PRSS8: variants seen among roughly 807,000 people sequenced by gnomAD.
PRSS8 encodes the protein prostasin.
PRSS8 carries 11 observed loss-of-function variants against 26.7 expected under a neutral mutation model. The observed-to-expected ratio is 0.41, with a 90% CI of 0.26 to 0.68. The LOEUF (loss-of-function observed/expected upper bound fraction) is 0.68, where lower values mean the gene tolerates loss of function less well. Among genes scored for constraint, PRSS8 ranks in the 30% least tolerant of loss-of-function variants. The pLI is 0.30. For missense variants in PRSS8, 362 were observed against 443.5 expected (o/e 0.82, Z 1.65); for synonymous variants, 183 against 187.0 (o/e 0.98, Z 0.17).
At position 31,132,641 on chromosome 16, in the gene PRSS8, G is replaced by A. The variant is rs552653291; in HGVS notation, c.538+41C>T. 3 of 1,613,118 alleles carry A rather than the reference G, an allele frequency of 1.9e-6. No individual in the cohort carries two copies. The African/African-American group carries it at 4.0e-5, about 22-fold the overall frequency. Reference sequence around the variant, plus strand: ...TACCCTGGGCCCCTCCCCAAGTCAGGTGCCCCTCCACACCTCTAGGCACCC... The same window carrying A: ...TACCCTGGGCCCCTCCCCAAGTCAGATGCCCCTCCACACCTCTAGGCACCC... On this transcript the variant is annotated intron_variant, in intron 4 of 5. Coordinates refer to ENST00000317508, the MANE Select transcript of PRSS8 (RefSeq NM_002773.5). The surrounding 1 kb of genome is among the most constrained non-coding windows in gnomAD (Gnocchi z 5.2).
intron 1 of PRSS8, 92 bp downstream of exon 1, chr16:31,135,322 C>A: frequency 6.3e-7 from 1 of 1,580,654 alleles, no homozygotes. Context: ...CGGGGGTTTT[C>A]TTGGGCCCCA....
Position 31,135,159 on chromosome 16 carries a change from G to A in PRSS8, c.98C>T (p.Ala33Val). The A allele has an allele frequency of 6.2e-7, 1 of 1,612,754 alleles. No homozygotes were observed. The highest frequency in any genetic ancestry group is 8.5e-7 in the Non-Finnish European group (1 of 1,179,416). The change falls in exon 2 of 6, where the codon GCA (alanine) becomes GTA (valine). Residue 33 changes from alanine to valine, a missense_variant. Coordinates refer to ENST00000317508, the MANE Select transcript of PRSS8 (RefSeq NM_002773.5). ...LLRSGTGAEG[A>V]EAPCGVAPQA... ...CTCTCCGAGGAAAGTCTCACCTTCTGCCCCTTCCGCTCCTAGAAAGAAAGA... is the reference window on the plus strand; with the variant it reads ...CTCTCCGAGGAAAGTCTCACCTTCTACCCCTTCCGCTCCTAGAAAGAAAGA...
chr16:31,132,377 G>A lies in PRSS8; in HGVS notation c.706-42C>T. 1 of 1,613,932 alleles carries A rather than the reference G, an allele frequency of 6.2e-7. No individual in the cohort carries two copies. Among genetic ancestry groups the A allele is most frequent in the Non-Finnish European group, 8.5e-7 (1 of 1,179,854 alleles). On this transcript the variant is annotated intron_variant, in intron 5 of 5. Transcript: ENST00000317508. This position sits in a 1 kb window ranked among gnomAD's most constrained non-coding sequence, Gnocchi z 5.2. Reference sequence around the variant, plus strand: ...CACAGCAGCCATCAGGACCGGGCCAGGCCTCCTTTCCGAAGTTGCACTGGT... The same window carrying A: ...CACAGCAGCCATCAGGACCGGGCCAAGCCTCCTTTCCGAAGTTGCACTGGT...
Position 31,131,476 on chromosome 16 carries a change from C to G in PRSS8, c.*533G>C, listed in dbSNP as rs998154747. On this transcript the variant is annotated 3_prime_UTR_variant, in exon 6 of 6. Transcript: ENST00000317508. ...ATCATTTCTGCCCTGTTACTCCCAC[C>G]CCAGATCCAAGCGCCAGCCCAGTTC... The G allele has an allele frequency of 1.6e-6, 1 of 616,732 alleles. No individual in the cohort carries two copies. Among genetic ancestry groups the G allele is most frequent in the African/African-American group, 1.9e-5 (1 of 53,928 alleles). 38.2% of individuals were successfully genotyped at this position (616,732 alleles called of 1,614,324 possible).
Position 31,132,149 on chromosome 16 carries a change from C to T in PRSS8, c.892G>A (p.Glu298Lys), listed in dbSNP as rs1212763533. Residue 298 changes from glutamate to lysine, a missense_variant, in exon 6 of 6, where the codon GAG (glutamate) becomes AAG (lysine). Coordinates refer to ENST00000317508, the MANE Select transcript of PRSS8 (RefSeq NM_002773.5). This position sits in a 1 kb window ranked among gnomAD's most constrained non-coding sequence, Gnocchi z 5.2. ...LQPRVVPQTQ[E>K]SQPDSNLCGS... Reference sequence around the variant, plus strand: ...CAGAGGTTGCTGTCGGGCTGGGACTCCTGGGTTTGGGGCACCACACGAGGC... The same window carrying T: ...CAGAGGTTGCTGTCGGGCTGGGACTTCTGGGTTTGGGGCACCACACGAGGC... The T allele has an allele frequency of 3.1e-6, 5 of 1,613,724 alleles. No homozygotes were observed. The highest frequency in any genetic ancestry group is 1.7e-5 in the Admixed American group (1 of 59,976).
In PRSS8 at chr16:31,131,720, C is replaced by T. The variant is rs901776361; in HGVS notation, c.*289G>A. 2.9e-5 allele frequency: 13 copies of T among 442,006 alleles called. No homozygotes were observed. The highest frequency in any genetic ancestry group is 3.9e-5 in the Admixed American group (1 of 25,798). The allele number at this position is 442,006 out of a possible 1,614,324, so 27.4% of individuals were successfully genotyped here. On this transcript the variant is annotated 3_prime_UTR_variant, in exon 6 of 6. Coordinates refer to ENST00000317508, the MANE Select transcript of PRSS8 (RefSeq NM_002773.5). Reference sequence around the variant, plus strand: ...GGGAGCCAGGGCTCATTTTCATAGCCAAGGGTCCCAGGAGCTCCCCAGGAG... The same window carrying T: ...GGGAGCCAGGGCTCATTTTCATAGCTAAGGGTCCCAGGAGCTCCCCAGGAG...
Position 31,135,715 on chromosome 16 carries a change from A to G in PRSS8, c.-217T>C. ...CCGAAGCGAGCAGTGTGGACGAGTC[A>G]CCAGCACCGTCTGGCCACGCAGGGT... On this transcript the variant is annotated 5_prime_UTR_variant, in exon 1 of 6. Coordinates refer to ENST00000317508, the MANE Select transcript of PRSS8 (RefSeq NM_002773.5). 1 of 511,718 alleles carries G rather than the reference A, an allele frequency of 2.0e-6. No homozygotes were observed. Among genetic ancestry groups the G allele is most frequent in the East Asian group, 3.2e-5 (1 of 31,724 alleles). 31.7% of individuals were successfully genotyped at this position (511,718 alleles called of 1,614,324 possible). A position where few individuals can be genotyped will look rare whatever the true frequency, so the allele number is the denominator to read the frequency against.
Position 31,132,541 on chromosome 16 carries a change from C to T in PRSS8, c.593G>A (p.Arg198His), listed in dbSNP as rs987197532. 13 of 1,613,942 alleles carry T rather than the reference C, an allele frequency of 8.1e-6. No homozygotes were observed. The highest frequency in any genetic ancestry group is 1.1e-5 in the Non-Finnish European group (13 of 1,179,902). The change falls in exon 5 of 6, where the codon CGT (arginine) becomes CAT (histidine). Residue 198 changes from arginine to histidine, a missense_variant. By Grantham distance (29) the Arg-to-His change is conservative (BLOSUM62 0). Coordinates refer to ENST00000317508, the MANE Select transcript of PRSS8 (RefSeq NM_002773.5). This position sits in a 1 kb window ranked among gnomAD's most constrained non-coding sequence, Gnocchi z 5.2. Reference protein sequence around the residue: ...LQQLEVPLISRETCNCLYNID... With the variant: ...LQQLEVPLISHETCNCLYNID... The stretch of plus-strand genomic sequence containing the variant: ...GTTGTACAGGCAGTTACACGTCTCA[C>T]GACTGATCAGAGGCACCTCGAGTTG...
Position 31,135,540 on chromosome 16 carries a change from AGGT to A in PRSS8, c.-45_-43del. ...CCCTGGGGCAGACTCCAGGCACGCA[AGGT>A]AGGAAGCCTTGGGGTGGTGTCGAAG... is the stretch of plus-strand genomic sequence containing the variant. On this transcript the variant is annotated 5_prime_UTR_variant, in exon 1 of 6. Coordinates refer to ENST00000317508, the MANE Select transcript of PRSS8 (RefSeq NM_002773.5). The A allele has an allele frequency of 6.8e-7, 1 of 1,474,286 alleles. No homozygotes were observed. Among genetic ancestry groups the A allele is most frequent in the South Asian group, 1.3e-5 (1 of 76,028 alleles). 91.3% of individuals were successfully genotyped at this position (1,474,286 alleles called of 1,614,324 possible).
In PRSS8 at chr16:31,135,154, C is replaced by A. The variant is rs1476971683; in HGVS notation, c.103G>T (p.Ala35Ser). ...RSGTGAEGAE[A>S]PCGVAPQARI... ...CCTCCCTCTCCGAGGAAAGTCTCACCTTCTGCCCCTTCCGCTCCTAGAAAG... is the reference window on the plus strand; with the variant it reads ...CCTCCCTCTCCGAGGAAAGTCTCACATTCTGCCCCTTCCGCTCCTAGAAAG... Residue 35 changes from alanine (A) to serine (S), a missense_variant and splice_region_variant, in exon 2 of 6, where the codon GCT becomes TCT. Transcript: ENST00000317508. The A allele has an allele frequency of 6.2e-7, 1 of 1,612,738 alleles. No homozygotes were observed. The highest frequency in any genetic ancestry group is 8.5e-7 in the Non-Finnish European group (1 of 1,179,484).
chr16:31,135,019 C>T (rs971957784), intron 2 of PRSS8, 135 bp downstream of exon 2: 8 of 1,115,806 alleles, frequency 7.2e-6, no homozygotes, highest in South Asian at 6.2e-5. Context: ...AGGGCTAAAA[C>T]CCCCCACTCT....
At position 31,132,506 on chromosome 16, in the gene PRSS8, T is replaced by C; in HGVS notation, c.628A>G (p.Lys210Glu). ...TCNCLYNIDA[K>E]PEEPHFVQED... ...TGGACAAAGTGCGGCTCCTCAGGCT[T>C]GGCGTCGATGTTGTACAGGCAGTTA... Residue 210 changes from lysine (K) to glutamate (E), a missense_variant, in exon 5 of 6, where the codon AAG (lysine) becomes GAG (glutamate). By Grantham distance (56) the Lys-to-Glu change is moderately conservative. Coordinates refer to ENST00000317508, the MANE Select transcript of PRSS8 (RefSeq NM_002773.5). The surrounding 1 kb of genome is among the most constrained non-coding windows in gnomAD (Gnocchi z 5.2). 6.2e-7 allele frequency: 1 copy of C among 1,614,032 alleles called. No homozygotes were observed. The highest frequency in any genetic ancestry group is 8.5e-7 in the Non-Finnish European group (1 of 1,179,880).
Position 31,133,438 on chromosome 16 carries a change from A to G in PRSS8, c.104-50T>C, listed in dbSNP as rs752153098. On this transcript the variant is annotated intron_variant, in intron 2 of 5. Transcript: ENST00000317508. The surrounding 1 kb of genome is among the most constrained non-coding windows in gnomAD (Gnocchi z 4.7). ...TCAGGTTGTTAGCCTGGCCACTCCT[A>G]TGCAGCCCAGGAGCTCTGATATAGA... 16 of 1,603,426 alleles carry G rather than the reference A, an allele frequency of 1.0e-5. No individual in the cohort carries two copies. Among genetic ancestry groups the G allele is most frequent in the Admixed American group, 3.4e-5 (2 of 59,104 alleles).
At chr16:31,134,924 G>C (rs751744802) in intron 2 of PRSS8, 31 of 578,818 alleles carry the variant, frequency 5.4e-5, no homozygotes, top group Non-Finnish European at 9.2e-5. Context: ...CCCCACTTTG[G>C]GAGTCAGACG....
At chr16:31,134,372 C>G (rs879802808) in intron 2 of PRSS8, 1 of 152,462 alleles carries the variant, frequency 6.6e-6, no homozygotes, top group South Asian at 2.1e-4. Flanking sequence ...CCCCAGGAGA[C>G]GGACATGACC....
In PRSS8 at chr16:31,131,961, G is replaced by C. The variant is rs1377789312; in HGVS notation, c.*48C>G. 6.8e-7 allele frequency: 1 copy of C among 1,481,358 alleles called. No individual in the cohort carries two copies. Among genetic ancestry groups the C allele is most frequent in the South Asian group, 1.4e-5 (1 of 73,100 alleles). 91.8% of individuals were successfully genotyped at this position (1,481,358 alleles called of 1,614,324 possible). The stretch of plus-strand genomic sequence containing the variant: ...TCCAAAGGCCATCAGGGAAGGACCA[G>C]GCTCCTGTCCTTGAGTGTGATGCAT... On this transcript the variant is annotated 3_prime_UTR_variant, in exon 6 of 6. Transcript: ENST00000317508.
At position 31,135,472 on chromosome 16, in the gene PRSS8, A is replaced by G; in HGVS notation, c.27T>C (p.Pro9=). The part of the protein sequence containing the change: MAQKGVLG[P]GQLGAVAILL... ...GAATGGCCACAGCCCCCAGCTGCCC[A>G]GGCCCCAGGACCCCCTTCTGGGCCA... The change falls in exon 1 of 6, where the codon CCT becomes CCC. Residue 9 remains proline (P), a synonymous_variant. Transcript: ENST00000317508. The G allele has an allele frequency of 6.3e-7, 1 of 1,582,470 alleles. No homozygotes were observed. The highest frequency in any genetic ancestry group is 8.6e-7 in the Non-Finnish European group (1 of 1,164,992).
rs2057587357 is a variant in PRSS8, at chr16:31,132,757, G to A, written c.463C>T (p.Leu155Phe). ...GGGAAGGAGGCGTTGGCTGCAGGGA[G>A]GCAGATGGGCCGGATGTAGCGGGAG... The part of the protein sequence containing the change: ...TFSRYIRPIC[L>F]PAANASFPNG... The change falls in exon 4 of 6, where the codon CTC (leucine) becomes TTC (phenylalanine). Residue 155 changes from leucine (L) to phenylalanine (F), a missense_variant. By Grantham distance (22) the Leu-to-Phe change is conservative. Transcript: ENST00000317508. This position sits in a 1 kb window ranked among gnomAD's most constrained non-coding sequence, Gnocchi z 5.2. 1 of 1,613,894 alleles carries A rather than the reference G, an allele frequency of 6.2e-7. No homozygotes were observed.
intron 2 of PRSS8, chr16:31,134,883 A>ATT: frequency 2.0e-6 from 1 of 506,412 alleles, no homozygotes; most frequent in Admixed American, 3.4e-5. Context: ...TTCAAAAGAC[A>ATT]AAAACCAAAC....
Sources: gnomAD v4.1 joint callset for allele counts on GRCh38, gnomAD v4.1.1 for gene constraint, Gnocchi (gnomAD v3.1) non-coding constraint, MANE v1.5 for transcripts, NCBI Gene and HGNC (gene_info 2026-07-23, HGNC 2026-07-21) for gene names.